Variants in RASSF3 observed in about 807,000 individuals in gnomAD.
RASSF3 encodes Ras association domain family member 3.
In RASSF3, 19 loss-of-function variants were observed where a neutral mutation model predicts 19.9. The ratio of observed to expected loss-of-function variants is 0.96; its 90% CI spans 0.67 to 1.40. RASSF3 has a LOEUF of 1.40. Among genes scored for constraint, RASSF3 ranks in the 40% most tolerant of loss-of-function variants. The pLI, the probability that RASSF3 is intolerant of heterozygous loss-of-function variation, is 0.00. For synonymous variants in RASSF3, 110 were observed against 104.2 expected (o/e 1.06, Z -0.34); for missense variants, 306 against 289.8 (o/e 1.06, Z -0.41).
chr12:64,618,805 A>G (rs1287852957), intron 1 of RASSF3, among the ~76,000 whole-genome samples: 4 of 152,212 alleles, frequency 2.6e-5, no homozygotes, highest in Non-Finnish European at 5.9e-5. Context: ...ACAATACAGT[A>G]GTCACTAGCT....
chr12:64,610,992 A>G (rs545364701), intron 1 of RASSF3, among the ~76,000 whole-genome samples: 42 of 152,178 alleles, frequency 2.8e-4, no homozygotes, highest in Admixed American at 7.2e-4. Flanking sequence ...TCCGCGCCAG[A>G]TGGCCTCTGC....
intron 1 of RASSF3, among the ~76,000 whole-genome samples, chr12:64,680,041 A>AC (rs1399467853): frequency 6.6e-6 from 1 of 151,408 alleles, no homozygotes; most frequent in South Asian, 2.1e-4. Flanking sequence ...TCTTGCTCTC[A>AC]CCCCTTTACC....
At chr12:64,605,000 T>A (rs1870165805) in intron 2 of RASSF3, among the ~76,000 whole-genome samples, 1 of 151,432 alleles carries the variant, frequency 6.6e-6, no homozygotes, top group Non-Finnish European at 1.5e-5. Flanking sequence ...TTTTATTTTT[T>A]TTTTAGGCAG....
At chr12:64,552,128 C>T (rs12316132) in intron 2 of RASSF3, among the ~76,000 whole-genome samples, 23,735 of 151,972 alleles carry the variant, frequency 0.16, 2,434 homozygotes, top group African/African-American at 0.29. Flanking sequence ...AACATTTTCT[C>T]TGTGCTTTGT....
At chr12:64,528,107 C>A (rs974217440) in intron 1 of RASSF3, among the ~76,000 whole-genome samples, 2 of 151,820 alleles carry the variant, frequency 1.3e-5, no homozygotes, top group East Asian at 1.9e-4. Flanking sequence ...CACACACACA[C>A]AAAATGTTAA....
At chr12:64,540,735 G>A (rs541780261) in intron 1 of RASSF3, among the ~76,000 whole-genome samples, 4 of 152,274 alleles carry the variant, frequency 2.6e-5, no homozygotes, top group African/African-American at 7.2e-5. Flanking sequence ...CAGGAGGATC[G>A]CTTGAGCCTA....
At chr12:64,556,834 CTTT>C (rs5798747) in intron 2 of RASSF3, among the ~76,000 whole-genome samples, 5,024 of 114,326 alleles carry the variant, frequency 0.044, 96 homozygotes, top group Non-Finnish European at 0.058. Context: ...CCCCCTACCC[CTTT>C]TTTTTTTTTT....
Position 64,695,002 on chromosome 12 carries a change from C to T in RASSF3, c.*90C>T. The T allele has an allele frequency of 7.1e-7, 1 of 1,416,046 alleles. No individual in the cohort carries two copies. Among genetic ancestry groups the T allele is most frequent in the African/African-American group, 1.4e-5 (1 of 69,822 alleles). 87.7% of individuals were successfully genotyped at this position (1,416,046 alleles called of 1,614,324 possible). On this transcript the variant is annotated 3_prime_UTR_variant, in exon 5 of 5. Transcript: ENST00000542104. Reference sequence around the variant, plus strand: ...TCTTCTCAGAGGGCTGCTGTCTTGCCCCACTATGCTAGGGTCTTCGCCTTT... The same window carrying T: ...TCTTCTCAGAGGGCTGCTGTCTTGCTCCACTATGCTAGGGTCTTCGCCTTT...
chr12:64,629,978 GAAAAAGAAAA>G (rs1565855092), intron 1 of RASSF3: 1 of 117,798 alleles, frequency 8.5e-6, no homozygotes, highest in African/African-American at 3.2e-5. Context: ...AAAAAAAAAA[GAAAAAGAAAA>G]AAAGAACAAG....
chr12:64,546,052 C>T (rs559826983), downstream of RASSF3, among the ~76,000 whole-genome samples: 1 of 131,810 alleles, frequency 7.6e-6, no homozygotes, highest in African/African-American at 2.9e-5. Context: ...GCTGAGATTA[C>T]GCCAATGCGC....
In RASSF3 at chr12:64,582,949, T is replaced by G. The variant is rs1869728301; in HGVS notation, c.294+41244T>G. On this transcript the variant is annotated intron_variant, in intron 2 of 5. Transcript: ENST00000637125. Reference sequence around the variant, plus strand: ...GAAAGATCTTCGAGACACTACTTACTCATTTTGAAGTACTTGATCAATCTT... The same window carrying G: ...GAAAGATCTTCGAGACACTACTTACGCATTTTGAAGTACTTGATCAATCTT... Among the ~76,000 whole-genome samples, 3 of 152,254 alleles carry G rather than the reference T, an allele frequency of 2.0e-5. No individual in the cohort carries two copies. In the South Asian group the frequency reaches 6.2e-4, roughly 32 times the overall value.
chr12:64,533,917 T>C (rs1046676472), intron 1 of RASSF3, among the ~76,000 whole-genome samples: 5 of 152,072 alleles, frequency 3.3e-5, no homozygotes, highest in Non-Finnish European at 7.3e-5. Flanking sequence ...CTTCGGGAAA[T>C]GGGTAGATCT....
chr12:64,517,318 C>A (rs922767692), intron 1 of RASSF3, among the ~76,000 whole-genome samples: 5 of 151,308 alleles, frequency 3.3e-5, no homozygotes, highest in East Asian at 1.9e-4. Flanking sequence ...TCCCCCCCCC[C>A]ACTAAGCTAT....
intron 1 of RASSF3, among the ~76,000 whole-genome samples, chr12:64,675,099 C>G (rs908704058): frequency 2.1e-5 from 3 of 140,680 alleles, no homozygotes; most frequent in Non-Finnish European, 3.0e-5. Flanking sequence ...CCTCAAGGAC[C>G]AAGAAAGAGG....
intron 1 of RASSF3, among the ~76,000 whole-genome samples, chr12:64,667,252 G>C (rs531217123): frequency 6.6e-6 from 1 of 152,148 alleles, no homozygotes; most frequent in Non-Finnish European, 1.5e-5. Flanking sequence ...GAAAGTAAGT[G>C]TACCTAGTTA....
rs1868340965 is a variant in RASSF3, at chr12:64,695,415, C to G, written c.*503C>G. On this transcript the variant is annotated 3_prime_UTR_variant, in exon 5 of 5. Coordinates refer to ENST00000542104, the MANE Select transcript of RASSF3 (RefSeq NM_178169.4). The stretch of plus-strand genomic sequence containing the variant: ...CGAAAGGCACAGGAATCTAGGAACT[C>G]TGAGGAATTTATTGTGAAGGATTTT... The G allele has an allele frequency of 6.6e-6, 1 of 152,332 alleles. No individual in the cohort carries two copies. Among genetic ancestry groups the G allele is most frequent in the African/African-American group, 2.4e-5 (1 of 41,282 alleles). The allele number at this position is 152,332 out of a possible 1,614,324, so 9.4% of individuals were successfully genotyped here.
chr12:64,610,399 C>T (rs1403225969), upstream of RASSF3: 1 of 152,556 alleles, frequency 6.6e-6, no homozygotes, highest in African/African-American at 2.4e-5. Flanking sequence ...GTCGCCCGTC[C>T]GGGGCGGGGC....
At chr12:64,508,516 T>TGA (rs1378407940) in intron 1 of RASSF3, among the ~76,000 whole-genome samples, 1 of 132,976 alleles carries the variant, frequency 7.5e-6, no homozygotes, top group Admixed American at 7.5e-5. Flanking sequence ...AAACTTCGTC[T>TGA]CAAAAAAAAA....
chr12:64,593,641 G>C (rs150367169), intron 2 of RASSF3, among the ~76,000 whole-genome samples: 2 of 152,212 alleles, frequency 1.3e-5, no homozygotes, highest in East Asian at 3.9e-4. Flanking sequence ...GTATATTCTA[G>C]CTGGGGATAT....
Sources: allele counts gnomAD v4.1 joint callset (sites outside exome capture counted in the v4.1 genomes callset), GRCh38; gene constraint gnomAD v4.1.1; transcripts MANE v1.5; gene names NCBI Gene and HGNC (gene_info 2026-07-23, HGNC 2026-07-21).